LPAR3: variants seen among roughly 807,000 people sequenced by gnomAD.
The protein encoded by LPAR3 is LPA receptor 3.
LPAR3 carries 7 observed loss-of-function variants against 17.8 expected under a neutral mutation model. That is an observed-to-expected ratio of 0.39 (90% CI 0.22 to 0.74). LPAR3 has a LOEUF of 0.74. Among genes scored for constraint, LPAR3 ranks in the 30% least tolerant of loss-of-function variants. The pLI is 0.40. For missense variants in LPAR3, 391 were observed against 453.4 expected (o/e 0.86, Z 1.25); for synonymous variants, 179 against 179.9 (o/e 0.99, Z 0.04).
intron 1 of LPAR3, among the ~76,000 whole-genome samples, chr1:84,883,078 A>G (rs1371601392): frequency 3.3e-5 from 5 of 152,216 alleles, no homozygotes; most frequent in Admixed American, 2.0e-4. Flanking sequence ...TGAGAAATGG[A>G]GCCTCGATTT....
chr1:84,841,025 T>C (rs951000990), intron 2 of LPAR3, among the ~76,000 whole-genome samples: 1 of 152,234 alleles, frequency 6.6e-6, no homozygotes, highest in South Asian at 2.1e-4. Flanking sequence ...GTCTACAACA[T>C]ATTGAAAGGC....
chr1:84,886,166 C>A (rs1660455997), intron 1 of LPAR3, among the ~76,000 whole-genome samples: 1 of 152,090 alleles, frequency 6.6e-6, no homozygotes, highest in African/African-American at 2.4e-5. Flanking sequence ...AACTTCGTAC[C>A]TTTTAATCTA....
In LPAR3 at chr1:84,865,325, G is replaced by A; in HGVS notation, c.736+60C>T. 2.6e-6 allele frequency: 4 copies of A among 1,516,008 alleles called. No homozygotes were observed. In the South Asian group the frequency reaches 4.0e-5, roughly 15 times the overall value. The allele number at this position is 1,516,008 out of a possible 1,614,324, so 93.9% of individuals were successfully genotyped here. On this transcript the variant is annotated intron_variant, in intron 2 of 2. Transcript: ENST00000370611. ...AGTAAGTGCCTGGTACACCACAGAT[G>A]CTCCGTAAAGATTTGCTGAATGAAT...
At chr1:84,863,514 T>C (rs993468991) in intron 2 of LPAR3, among the ~76,000 whole-genome samples, 1 of 152,200 alleles carries the variant, frequency 6.6e-6, no homozygotes. Flanking sequence ...CTAGGGCTCC[T>C]TTGCTGGCTG....
At chr1:84,847,832 G>T in intron 2 of LPAR3, among the ~76,000 whole-genome samples, 1 of 152,216 alleles carries the variant, frequency 6.6e-6, no homozygotes, top group East Asian at 1.9e-4. Context: ...TTTCCCTGAC[G>T]CTGACTTCTA....
At chr1:84,854,702 T>C (rs1659784408) in intron 2 of LPAR3, among the ~76,000 whole-genome samples, 2 of 152,252 alleles carry the variant, frequency 1.3e-5, no homozygotes, top group South Asian at 2.1e-4. Context: ...TGAGAAAATA[T>C]AAAATGCAGA....
At chr1:84,828,122 C>T (rs1168411914) in intron 2 of LPAR3, among the ~76,000 whole-genome samples, 1 of 152,162 alleles carries the variant, frequency 6.6e-6, no homozygotes, top group Non-Finnish European at 1.5e-5. Context: ...CTCTCTCTCT[C>T]TCTTTTTTTT....
At chr1:84,854,965 CT>C (rs1381386343) in intron 2 of LPAR3, among the ~76,000 whole-genome samples, 7 of 152,218 alleles carry the variant, frequency 4.6e-5, no homozygotes, top group Admixed American at 2.0e-4. Context: ...GTAATGGGAT[CT>C]TTCCGCCACA....
chr1:84,860,734 A>ATTTTTTTTTTTTT (rs35354113), intron 2 of LPAR3, among the ~76,000 whole-genome samples: 1 of 113,548 alleles, frequency 8.8e-6, no homozygotes, highest in African/African-American at 3.5e-5. Flanking sequence ...TTAGGATTTA[A>ATTTTTTTTTTTTT]TTTTTTTTTT....
At chr1:84,839,705 A>AATAAC (rs1047779797) in intron 2 of LPAR3, among the ~76,000 whole-genome samples, 11 of 151,880 alleles carry the variant, frequency 7.2e-5, no homozygotes, top group African/African-American at 2.7e-4. Context: ...AATAAAATAA[A>AATAAC]TGATGACAAC....
chr1:84,855,492 G>C (rs1454096146), intron 2 of LPAR3, among the ~76,000 whole-genome samples: 3 of 152,182 alleles, frequency 2.0e-5, no homozygotes, highest in African/African-American at 7.2e-5. Flanking sequence ...TCTTTTCAAA[G>C]AGGTCAAATT....
chr1:84,846,922 T>G (rs1659604306), intron 2 of LPAR3, among the ~76,000 whole-genome samples: 1 of 152,200 alleles, frequency 6.6e-6, no homozygotes, highest in Non-Finnish European at 1.5e-5. Flanking sequence ...CTGGAAATTT[T>G]GGAGGGGGCT....
At chr1:84,863,975 G>A (rs1037718475) in intron 2 of LPAR3, among the ~76,000 whole-genome samples, 1 of 152,146 alleles carries the variant, frequency 6.6e-6, no homozygotes, top group African/African-American at 2.4e-5. Context: ...ACTGTGGGAG[G>A]CCGAGGCAGG....
intron 2 of LPAR3, among the ~76,000 whole-genome samples, chr1:84,825,016 T>G (rs1250352275): frequency 6.6e-6 from 1 of 152,020 alleles, no homozygotes; most frequent in Non-Finnish European, 1.5e-5. Context: ...TGGACTAGAG[T>G]GTGAGTTTTA....
At chr1:84,870,850 G>A (rs953877158) in intron 1 of LPAR3, among the ~76,000 whole-genome samples, 8 of 152,226 alleles carry the variant, frequency 5.3e-5, no homozygotes, top group Admixed American at 1.3e-4. Context: ...CATGTGAAAC[G>A]CCAGACAGAA....
At chr1:84,829,107 C>T (rs915648424) in intron 2 of LPAR3, among the ~76,000 whole-genome samples, 13 of 148,918 alleles carry the variant, frequency 8.7e-5, no homozygotes. Flanking sequence ...AGCAGCCATT[C>T]CCTAAAATAT....
intron 2 of LPAR3, among the ~76,000 whole-genome samples, chr1:84,844,809 C>T (rs1467147699): frequency 2.0e-5 from 3 of 152,242 alleles, no homozygotes; most frequent in Non-Finnish European, 2.9e-5. Flanking sequence ...CATACAACCC[C>T]GACCCCGCCA....
At chr1:84,868,567 C>T (rs773791396) in intron 1 of LPAR3, among the ~76,000 whole-genome samples, 5 of 152,240 alleles carry the variant, frequency 3.3e-5, no homozygotes, top group African/African-American at 1.2e-4. Context: ...GAATCACTTG[C>T]TATGGTCTGA....
intron 1 of LPAR3, among the ~76,000 whole-genome samples, chr1:84,888,491 A>G (rs1660498810): frequency 1.3e-5 from 2 of 152,128 alleles, no homozygotes; most frequent in African/African-American, 2.4e-5. Context: ...CTGGCTTTCT[A>G]CCTCCTTAGG....
Sources: gnomAD v4.1 joint callset for allele counts (sites outside exome capture counted in the v4.1 genomes callset) on GRCh38, gnomAD v4.1.1 for gene constraint, MANE v1.5 for transcripts, NCBI Gene and HGNC (gene_info 2026-07-23, HGNC 2026-07-21) for gene names.